EYS: variants seen among roughly 807,000 people sequenced by gnomAD.
EYS encodes the protein protein eyes shut homolog.
A neutral mutation model predicts 282.1 loss-of-function variants in EYS; 250 were observed. The observed-to-expected ratio is 0.89, with a 90% CI of 0.80 to 0.98. The LOEUF is 0.98. EYS is among the 50% of genes least tolerant of loss of function. EYS has a pLI of 0.00. For missense variants in EYS, 4,016 were observed against 3,709.0 expected (o/e 1.08, Z -2.15); for synonymous variants, 1,355 against 1,282.9 (o/e 1.06, Z -1.20).
intron 12 of EYS, among the ~76,000 whole-genome samples, chr6:65,227,620 A>G (rs577927986): frequency 1.3e-5 from 2 of 152,280 alleles, no homozygotes; most frequent in South Asian, 4.1e-4. Context: ...GTATCTTAAC[A>G]CTAATGTTTA....
chr6:65,338,251 C>G (rs1484324514), intron 10 of EYS, among the ~76,000 whole-genome samples: 2 of 149,068 alleles, frequency 1.3e-5, no homozygotes, highest in Non-Finnish European at 3.0e-5. Context: ...GTCTAGACAT[C>G]TACTAGAATT....
chr6:64,811,551 G>A (rs1764597344), intron 22 of EYS, among the ~76,000 whole-genome samples: 1 of 152,078 alleles, frequency 6.6e-6, no homozygotes, highest in African/African-American at 2.4e-5. Context: ...CAGCAATGTT[G>A]GGAGGTGGTG....
chr6:64,089,824 T>C (rs1025579517), intron 31 of EYS, among the ~76,000 whole-genome samples: 1 of 152,114 alleles, frequency 6.6e-6, no homozygotes, highest in African/African-American at 2.4e-5. Context: ...ACATTTCTCC[T>C]TTTGATTGTA....
chr6:64,849,912 CT>C (rs34288943), intron 19 of EYS, among the ~76,000 whole-genome samples: 23,030 of 151,576 alleles, frequency 0.15, 1,990 homozygotes, highest in East Asian at 0.43. Context: ...ATAGGAGCCC[CT>C]TTTTTATATA....
At chr6:63,954,439 C>G (rs1238285331) in intron 35 of EYS, among the ~76,000 whole-genome samples, 10 of 152,188 alleles carry the variant, frequency 6.6e-5, no homozygotes, top group Non-Finnish European at 1.5e-4. Context: ...ACATGCCTTC[C>G]ATATCCTGCA....
chr6:65,191,129 G>A (rs1276554665), intron 12 of EYS, among the ~76,000 whole-genome samples: 1 of 151,750 alleles, frequency 6.6e-6, no homozygotes, highest in South Asian at 2.1e-4. Flanking sequence ...AATGCAGTAT[G>A]CTAAATATTT....
intron 33 of EYS, among the ~76,000 whole-genome samples, chr6:64,003,587 A>G (rs952869553): frequency 5.9e-4 from 90 of 152,166 alleles, no homozygotes; most frequent in African/African-American, 2.0e-3. Context: ...GGACCCACAA[A>G]ACTTAAAAAT....
intron 30 of EYS, among the ~76,000 whole-genome samples, chr6:64,270,672 T>C (rs1372166248): frequency 6.6e-6 from 1 of 152,172 alleles, no homozygotes; most frequent in African/African-American, 2.4e-5. Flanking sequence ...GTTAAGCATA[T>C]GCAACATTTG....
At chr6:65,232,590 G>T (rs1213695512) in intron 12 of EYS, among the ~76,000 whole-genome samples, 1 of 151,994 alleles carries the variant, frequency 6.6e-6, no homozygotes, top group East Asian at 1.9e-4. Flanking sequence ...CCCTCACCCA[G>T]TTTCTCCTCT....
At chr6:64,985,738 T>A (rs1462784599) in intron 14 of EYS, among the ~76,000 whole-genome samples, 2 of 151,540 alleles carry the variant, frequency 1.3e-5, no homozygotes, top group Non-Finnish European at 3.0e-5. Flanking sequence ...CATGCAATAT[T>A]TGGACATCTG....
intron 5 of EYS, among the ~76,000 whole-genome samples, chr6:65,437,752 C>T (rs532517557): frequency 4.6e-5 from 7 of 152,046 alleles, no homozygotes; most frequent in Non-Finnish European, 7.4e-5. Flanking sequence ...ATTTTGATAT[C>T]TCCTTTATGC....
At chr6:65,513,622 A>C (rs989985219) in intron 2 of EYS, among the ~76,000 whole-genome samples, 1 of 152,232 alleles carries the variant, frequency 6.6e-6, no homozygotes, top group African/African-American at 2.4e-5. Context: ...CCTGGGATGC[A>C]AGGCTGGTTC....
chr6:65,192,547 G>A (rs1312622935), intron 12 of EYS, among the ~76,000 whole-genome samples: 1 of 151,714 alleles, frequency 6.6e-6, no homozygotes, highest in Non-Finnish European at 1.5e-5. Context: ...TGAATTTGAT[G>A]CAAATGTGAA....
At chr6:65,257,534 TC>T (rs1767501997) in intron 12 of EYS, among the ~76,000 whole-genome samples, 1 of 149,458 alleles carries the variant, frequency 6.7e-6, no homozygotes, top group South Asian at 2.1e-4. Flanking sequence ...GGGAATCCTT[TC>T]CCCATTGCTT....
Position 65,593,705 on chromosome 6 carries a change from A to T in EYS, c.-333+46073T>A, listed in dbSNP as rs551481275. On this transcript the variant is annotated intron_variant, in intron 2 of 42. Coordinates refer to ENST00000503581, the MANE Select transcript of EYS (RefSeq NM_001142800.2). ...AAATTCATGTATTTCCCACGATATT[A>T]TTTTTTTATTCTCCCCATATACCTT... 2.0e-4 allele frequency among the ~76,000 whole-genome samples: 30 copies of T among 151,942 alleles called. No individual in the cohort carries two copies. In the South Asian group the frequency reaches 5.4e-3, roughly 27 times the overall value.
At chr6:64,979,648 A>C (rs542688260) in intron 14 of EYS, among the ~76,000 whole-genome samples, 1 of 151,758 alleles carries the variant, frequency 6.6e-6, no homozygotes, top group African/African-American at 2.4e-5. Flanking sequence ...TAATGGAATA[A>C]GAAATGATAA....
chr6:65,014,527 G>A (rs977663777), intron 13 of EYS, among the ~76,000 whole-genome samples: 5 of 152,214 alleles, frequency 3.3e-5, no homozygotes, highest in Middle Eastern at 3.4e-3. Context: ...ACATTATCGA[G>A]GTTAGGCATG....
chr6:63,974,482 T>G (rs575602887), intron 35 of EYS, among the ~76,000 whole-genome samples: 1 of 152,190 alleles, frequency 6.6e-6, no homozygotes, highest in African/African-American at 2.4e-5. Flanking sequence ...TCAGATGGGA[T>G]TTAAGCCAGA....
At chr6:65,498,842 C>T (rs1766347812) in intron 2 of EYS, among the ~76,000 whole-genome samples, 1 of 151,930 alleles carries the variant, frequency 6.6e-6, no homozygotes, top group Admixed American at 6.6e-5. Context: ...TTTATAAAGA[C>T]ATTCTTCAAA....
Sources: allele counts gnomAD v4.1 joint callset (sites outside exome capture counted in the v4.1 genomes callset), GRCh38; gene constraint gnomAD v4.1.1; transcripts MANE v1.5; gene names NCBI Gene and HGNC (gene_info 2026-07-23, HGNC 2026-07-21).